Variants in CSMD3 observed in about 807,000 individuals in gnomAD.
The protein encoded by CSMD3 is CUB and Sushi multiple domains 3.
A neutral mutation model predicts 435.2 loss-of-function variants in CSMD3; 177 were observed. The ratio of observed to expected loss-of-function variants is 0.41; its 90% CI spans 0.36 to 0.46. CSMD3 has a LOEUF of 0.46. Ranked by LOEUF, CSMD3 falls within the 20% of genes least tolerant of loss-of-function variation. The pLI is 0.34. For synonymous variants in CSMD3, 1,656 were observed against 1,520.5 expected (o/e 1.09, Z -2.07); for missense variants, 4,265 against 4,504.6 (o/e 0.95, Z 1.52).
intron 9 of CSMD3, among the ~76,000 whole-genome samples, chr8:112,940,907 T>G (rs1350583765): frequency 6.6e-6 from 1 of 151,904 alleles, no homozygotes; most frequent in Non-Finnish European, 1.5e-5. Context: ...ACTGCAGTTT[T>G]GCTGTTTTAA....
At chr8:112,937,829 C>G (rs1241127692) in intron 9 of CSMD3, among the ~76,000 whole-genome samples, 4 of 151,942 alleles carry the variant, frequency 2.6e-5, no homozygotes, top group African/African-American at 9.7e-5. Context: ...TACTCAAATT[C>G]AATGCAGCAA....
intron 2 of CSMD3, among the ~76,000 whole-genome samples, chr8:113,281,073 A>G (rs1347639852): frequency 1.3e-5 from 2 of 151,802 alleles, no homozygotes; most frequent in African/African-American, 2.4e-5. Context: ...TTTTTGGCCT[A>G]TCATGTAGTC....
intron 5 of CSMD3, among the ~76,000 whole-genome samples, chr8:113,090,372 ATTTG>A (rs201114436): frequency 0.067 from 10,126 of 152,178 alleles, 446 homozygotes; most frequent in Non-Finnish European, 0.095. Context: ...AATTTGAAAT[ATTTG>A]TTTATTTAAA....
intron 4 of CSMD3, among the ~76,000 whole-genome samples, chr8:113,149,193 T>G (rs577152665): frequency 2.4e-4 from 36 of 151,942 alleles, no homozygotes; most frequent in Admixed American, 4.0e-4. Flanking sequence ...TTTATATTTT[T>G]ATTCATATTA....
intron 22 of CSMD3, among the ~76,000 whole-genome samples, chr8:112,610,522 T>C (rs908431221): frequency 1.3e-5 from 2 of 152,104 alleles, no homozygotes; most frequent in African/African-American, 4.8e-5. Context: ...AAATACACAT[T>C]GTTGCTGATT....
At chr8:113,312,803 G>C (rs2093879466) in intron 2 of CSMD3, 2 of 152,256 alleles carry the variant, frequency 1.3e-5, no homozygotes, top group South Asian at 4.1e-4. Context: ...TCAAACAGCA[G>C]TCAGACGTGC....
At chr8:112,705,132 A>G (rs1229715493) in intron 13 of CSMD3, among the ~76,000 whole-genome samples, 2 of 152,218 alleles carry the variant, frequency 1.3e-5, no homozygotes, top group Admixed American at 6.6e-5. Context: ...TGCTACCCCA[A>G]AATATTGTTT....
At chr8:112,457,428 T>C (rs954868895) in intron 32 of CSMD3, among the ~76,000 whole-genome samples, 1 of 152,130 alleles carries the variant, frequency 6.6e-6, no homozygotes, top group African/African-American at 2.4e-5. Context: ...ATAATGCTAC[T>C]AGAATCCTAC....
chr8:112,336,937 T>C, intron 43 of CSMD3, 108 bp from the exon 44 acceptor site: 1 of 936,794 alleles, frequency 1.1e-6, no homozygotes, highest in Non-Finnish European at 1.7e-6. Context: ...AACACATTTA[T>C]GCCTTGTTTT....
chr8:112,772,980 G>A (rs1388764289), intron 13 of CSMD3, among the ~76,000 whole-genome samples: 2 of 151,882 alleles, frequency 1.3e-5, no homozygotes, highest in African/African-American at 2.4e-5. Context: ...AAATACTAAG[G>A]GAACTCAGAG....
chr8:113,275,903 G>C (rs981070806), intron 3 of CSMD3, among the ~76,000 whole-genome samples: 2 of 151,962 alleles, frequency 1.3e-5, no homozygotes, highest in Non-Finnish European at 2.9e-5. Context: ...CAGGTTAGTA[G>C]ATCTATTTTA....
intron 13 of CSMD3, among the ~76,000 whole-genome samples, chr8:112,785,813 C>T (rs2078522670): frequency 6.6e-6 from 1 of 152,010 alleles, no homozygotes; most frequent in African/African-American, 2.4e-5. Context: ...AGATATATTA[C>T]ATTTATGGAT....
At chr8:112,330,897 T>C (rs1189927431) in intron 45 of CSMD3, among the ~76,000 whole-genome samples, 1 of 152,054 alleles carries the variant, frequency 6.6e-6, no homozygotes, top group East Asian at 1.9e-4. Flanking sequence ...GTTTTGATTT[T>C]TCAAAAAGGG....
intron 5 of CSMD3, among the ~76,000 whole-genome samples, chr8:113,026,415 T>C (rs1313317666): frequency 6.6e-6 from 1 of 152,172 alleles, no homozygotes; most frequent in East Asian, 1.9e-4. Context: ...TCTCTATTCA[T>C]TGTTTTGGTC....
chr8:112,629,255 G>T (rs961703083), intron 22 of CSMD3, among the ~76,000 whole-genome samples: 1 of 151,986 alleles, frequency 6.6e-6, no homozygotes, highest in Non-Finnish European at 1.5e-5. Context: ...AGGCTGGAGT[G>T]TGGTGGCACC....
intron 22 of CSMD3, among the ~76,000 whole-genome samples, chr8:112,590,509 T>C (rs926012734): frequency 6.6e-6 from 1 of 152,076 alleles, no homozygotes; most frequent in African/African-American, 2.4e-5. Flanking sequence ...TGAAAAAGCT[T>C]TCTTTGTGCA....
intron 5 of CSMD3, among the ~76,000 whole-genome samples, chr8:113,076,239 A>G (rs1280533929): frequency 6.6e-6 from 1 of 151,506 alleles, no homozygotes; most frequent in African/African-American, 2.4e-5. Context: ...ATAGATTAAG[A>G]ATTTGCATAG....
At chr8:112,376,028 T>C (rs534436156) in intron 38 of CSMD3, among the ~76,000 whole-genome samples, 1 of 152,292 alleles carries the variant, frequency 6.6e-6, no homozygotes, top group South Asian at 2.1e-4. Flanking sequence ...CTGCTGAATC[T>C]ATCCACCCCG....
intron 20 of CSMD3, among the ~76,000 whole-genome samples, chr8:112,644,513 G>C (rs999174144): frequency 6.6e-6 from 1 of 151,962 alleles, no homozygotes; most frequent in Admixed American, 6.6e-5. Flanking sequence ...TAATACTACA[G>C]AGCCTTTTAC....
Sources: gnomAD v4.1 joint callset for allele counts (sites outside exome capture counted in the v4.1 genomes callset) on GRCh38, gnomAD v4.1.1 for gene constraint, MANE v1.5 for transcripts, NCBI Gene and HGNC (gene_info 2026-07-23, HGNC 2026-07-21) for gene names.